Variants in PLEKHA3 observed in about 807,000 individuals in gnomAD.
PLEKHA3 encodes the protein pleckstrin homology domain containing A3.
Under a neutral mutation model 39.2 loss-of-function variants are expected in PLEKHA3, and 19 were observed. The ratio of observed to expected loss-of-function variants is 0.48; its 90% CI spans 0.34 to 0.71. The LOEUF (loss-of-function observed/expected upper bound fraction) is 0.71. Among genes scored for constraint, PLEKHA3 ranks in the 30% least tolerant of loss-of-function variants. The pLI is 0.01. For missense variants in PLEKHA3, 253 were observed against 359.5 expected, an observed-to-expected ratio of 0.70 and a Z score of 2.40; for synonymous variants, 97 against 118.6, an observed-to-expected ratio of 0.82 and a Z score of 1.18.
At chr2:178,490,983 G>A (rs1685333470) in intron 3 of PLEKHA3, among the ~76,000 whole-genome samples, 169 bp downstream of exon 3, 1 of 151,604 alleles carries the variant, frequency 6.6e-6, no homozygotes, top group South Asian at 2.1e-4. Context: ...ATAAATTTAG[G>A]GGAATGGCTC....
chr2:178,514,570 A>T lies in PLEKHA3; in HGVS notation c.*10683A>T, dbSNP rs137951962. 6 of 152,202 alleles carry T rather than the reference A, an allele frequency of 3.9e-5. No homozygotes were observed. Among genetic ancestry groups the T allele is most frequent in the Admixed American group, 3.3e-4 (5 of 15,284 alleles). The allele number at this position is 152,202 out of a possible 1,614,324, so 9.4% of individuals were successfully genotyped here. On this transcript the variant is annotated 3_prime_UTR_variant, in exon 8 of 8. Coordinates refer to ENST00000234453, the MANE Select transcript of PLEKHA3 (RefSeq NM_019091.4). ...TCATGTCTTTATTTAGGCTAAGTGCATATGTATGTATAAGTAATGTGTATA... is the reference window on the plus strand; with the variant it reads ...TCATGTCTTTATTTAGGCTAAGTGCTTATGTATGTATAAGTAATGTGTATA...
chr2:178,480,713 G>A lies in PLEKHA3; in HGVS notation c.-157G>A, dbSNP rs920571753. 1 of 494,964 alleles carries A rather than the reference G, an allele frequency of 2.0e-6. No homozygotes were observed. Among genetic ancestry groups the A allele is most frequent in the Admixed American group, 4.7e-5 (1 of 21,382 alleles). 30.7% of individuals were successfully genotyped at this position (494,964 alleles called of 1,614,324 possible). On this transcript the variant is annotated 5_prime_UTR_variant, in exon 1 of 8. Transcript: ENST00000234453. ...TGCGCCCGCTGTCCCGGCCTCTAAA[G>A]GCCGCCACGTCCCTGCGGCGCGCGC... is the stretch of plus-strand genomic sequence containing the variant.
In PLEKHA3 at chr2:178,515,869, CCTAA is replaced by C. The variant is rs1180174027; in HGVS notation, c.*11986_*11989del. The C allele has an allele frequency of 4.0e-5, 6 of 151,756 alleles. No individual in the cohort carries two copies. Among genetic ancestry groups the C allele is most frequent in the South Asian group, 2.1e-4 (1 of 4,826 alleles). The allele number at this position is 151,756 out of a possible 1,614,324, so 9.4% of individuals were successfully genotyped here. On this transcript the variant is annotated 3_prime_UTR_variant, in exon 8 of 8. Transcript: ENST00000234453. The stretch of plus-strand genomic sequence containing the variant: ...TAGTATTTATCATTCACATTTGCAC[CCTAA>C]CTATTGTTTTAACCTAAACATAAAT...
chr2:178,508,284 A>T lies in PLEKHA3; in HGVS notation c.*4397A>T, dbSNP rs779606775. On this transcript the variant is annotated 3_prime_UTR_variant, in exon 8 of 8. Coordinates refer to ENST00000234453, the MANE Select transcript of PLEKHA3 (RefSeq NM_019091.4). ...CTCTTCTGTTGAATTTTCTTTATATATATATTTTAATTTCTAAGAGGTCTT... is the reference window on the plus strand; with the variant it reads ...CTCTTCTGTTGAATTTTCTTTATATTTATATTTTAATTTCTAAGAGGTCTT... The T allele has an allele frequency of 6.6e-6, 1 of 151,952 alleles. No homozygotes were observed. Among genetic ancestry groups the T allele is most frequent in the African/African-American group, 2.4e-5 (1 of 41,276 alleles). The allele number at this position is 151,952 out of a possible 1,614,324, so 9.4% of individuals were successfully genotyped here. A position where few individuals can be genotyped will look rare whatever the true frequency, so the allele number is the denominator to read the frequency against.
chr2:178,495,430 A>G (rs1685426249), intron 4 of PLEKHA3, 66 bp from the exon 5 acceptor site: 8 of 1,426,716 alleles, frequency 5.6e-6, no homozygotes, highest in Admixed American at 1.9e-5. Context: ...TTATTTAATG[A>G]TAAGGTTGTA....
In PLEKHA3 at chr2:178,516,183, T is replaced by C. The variant is rs1685761984; in HGVS notation, c.*12296T>C. On this transcript the variant is annotated 3_prime_UTR_variant, in exon 8 of 8. Coordinates refer to ENST00000234453, the MANE Select transcript of PLEKHA3 (RefSeq NM_019091.4). The stretch of plus-strand genomic sequence containing the variant: ...AAGAAATTGGAAATAATGGAATTGG[T>C]TTAAAAAGCTAGTCTCTAAATTAAC... 1 of 151,968 alleles carries C rather than the reference T, an allele frequency of 6.6e-6. No individual in the cohort carries two copies. Among genetic ancestry groups the C allele is most frequent in the Admixed American group, 6.6e-5 (1 of 15,252 alleles). 9.4% of individuals were successfully genotyped at this position (151,968 alleles called of 1,614,324 possible). A position where few individuals can be genotyped will look rare whatever the true frequency, so the allele number is the denominator to read the frequency against.
At chr2:178,500,715 T>C (rs533810592) in intron 6 of PLEKHA3, among the ~76,000 whole-genome samples, 113 of 152,200 alleles carry the variant, frequency 7.4e-4, no homozygotes, top group African/African-American at 2.5e-3. Context: ...AGATATGGAT[T>C]GACTTAAAAT....
At chr2:178,488,825 A>T (rs1685299088) in intron 2 of PLEKHA3, 1 of 288,190 alleles carries the variant, frequency 3.5e-6, no homozygotes, top group African/African-American at 2.2e-5. Context: ...ATTCTTGATG[A>T]TATTGAGTCT....
chr2:178,480,803 C>T lies in PLEKHA3; in HGVS notation c.-67C>T, dbSNP rs2154127433. On this transcript the variant is annotated 5_prime_UTR_variant, in exon 1 of 8. Coordinates refer to ENST00000234453, the MANE Select transcript of PLEKHA3 (RefSeq NM_019091.4). ...CGGGCCGGGAGGGGCTGCCCCAGGC[C>T]CTGCGCCTACCCCATCACCGCGGCC... is the stretch of plus-strand genomic sequence containing the variant. 1 of 1,290,130 alleles carries T rather than the reference C, an allele frequency of 7.8e-7. No homozygotes were observed. Among genetic ancestry groups the T allele is most frequent in the Non-Finnish European group, 1.0e-6 (1 of 1,002,782 alleles). 79.9% of individuals were successfully genotyped at this position (1,290,130 alleles called of 1,614,324 possible).
rs568109903 is a variant in PLEKHA3, at chr2:178,484,914, A to G, written c.41-727A>G. Among the ~76,000 whole-genome samples, 3 of 152,352 alleles carry G rather than the reference A, an allele frequency of 2.0e-5. No individual in the cohort carries two copies. In the East Asian group the frequency reaches 5.8e-4, roughly 29 times the overall value. ...TAGTCACTGAATAAATATCAATCGA[A>G]CAATTGCAGTTTCTAGGATTTCAAC... On this transcript the variant is annotated intron_variant, in intron 1 of 7. Transcript: ENST00000234453.
At position 178,513,872 on chromosome 2, in the gene PLEKHA3, A is replaced by G. The variant is rs947719672; in HGVS notation, c.*9985A>G. 6.6e-6 allele frequency: 1 copy of G among 152,140 alleles called. No homozygotes were observed. Among genetic ancestry groups the G allele is most frequent in the African/African-American group, 2.4e-5 (1 of 41,416 alleles). 9.4% of individuals were successfully genotyped at this position (152,140 alleles called of 1,614,324 possible). A position where few individuals can be genotyped will look rare whatever the true frequency, so the allele number is the denominator to read the frequency against. On this transcript the variant is annotated 3_prime_UTR_variant, in exon 8 of 8. Transcript: ENST00000234453. ...AAAAGTCTTCATTTGACAAATTTAT[A>G]TGGTAAATGAGCATAAAATGAATAT...
intron 3 of PLEKHA3, among the ~76,000 whole-genome samples, chr2:178,491,454 T>C (rs775795867): frequency 1.3e-5 from 2 of 152,206 alleles, no homozygotes; most frequent in Admixed American, 6.5e-5. Context: ...TTGGCTGGCT[T>C]AGGAAAGGTA....
chr2:178,506,617 C>T lies in PLEKHA3; in HGVS notation c.*2730C>T, dbSNP rs968094503. 5 of 152,152 alleles carry T rather than the reference C, an allele frequency of 3.3e-5. No individual in the cohort carries two copies. The highest frequency in any genetic ancestry group is 7.4e-5 in the Non-Finnish European group (5 of 68,024). The allele number at this position is 152,152 out of a possible 1,614,324, so 9.4% of individuals were successfully genotyped here. ...AAATCACAAGATCTCAGGAAATGCGCCCTTGTGATATGTTAATACCAGATT... is the reference window on the plus strand; with the variant it reads ...AAATCACAAGATCTCAGGAAATGCGTCCTTGTGATATGTTAATACCAGATT... On this transcript the variant is annotated 3_prime_UTR_variant, in exon 8 of 8. Coordinates refer to ENST00000234453, the MANE Select transcript of PLEKHA3 (RefSeq NM_019091.4).
At chr2:178,499,390 T>G in intron 6 of PLEKHA3, 136 bp downstream of exon 6, 1 of 715,046 alleles carries the variant, frequency 1.4e-6, no homozygotes, top group Non-Finnish European at 2.2e-6. Context: ...ATTTTATCTC[T>G]CAGTATTTAT....
chr2:178,504,814 C>T lies in PLEKHA3; in HGVS notation c.*927C>T, dbSNP rs1558931878. The T allele has an allele frequency of 6.6e-6, 1 of 152,306 alleles. No individual in the cohort carries two copies. Among genetic ancestry groups the T allele is most frequent in the African/African-American group, 2.4e-5 (1 of 41,396 alleles). 9.4% of individuals were successfully genotyped at this position (152,306 alleles called of 1,614,324 possible). A position where few individuals can be genotyped will look rare whatever the true frequency, so the allele number is the denominator to read the frequency against. On this transcript the variant is annotated 3_prime_UTR_variant, in exon 8 of 8. Transcript: ENST00000234453. ...ATGAATATTTATACAAAAAGGAATT[C>T]TGTCAAGATGACTGCTCTATATCAC...
In PLEKHA3 at chr2:178,509,734, T is replaced by G. The variant is rs1425145976; in HGVS notation, c.*5847T>G. 1.3e-5 allele frequency: 2 copies of G among 152,232 alleles called. No individual in the cohort carries two copies. The highest frequency in any genetic ancestry group is 4.8e-5 in the African/African-American group (2 of 41,422). 9.4% of individuals were successfully genotyped at this position (152,232 alleles called of 1,614,324 possible). The stretch of plus-strand genomic sequence containing the variant: ...GCTCAAGGGATCTGCCTGCCTTGAC[T>G]TTCCAAAATTCTCGGATTACAGGCA... On this transcript the variant is annotated 3_prime_UTR_variant, in exon 8 of 8. Coordinates refer to ENST00000234453, the MANE Select transcript of PLEKHA3 (RefSeq NM_019091.4).
intron 7 of PLEKHA3, among the ~76,000 whole-genome samples, chr2:178,502,945 C>T (rs1417933258): frequency 6.6e-6 from 1 of 151,916 alleles, no homozygotes; most frequent in Non-Finnish European, 1.5e-5. Flanking sequence ...AATTAGCTGA[C>T]AAAGCAAAGA....
rs1685523617 is a variant in PLEKHA3, at chr2:178,501,124, A to G, written c.723A>G (p.Arg241=). Residue 241 remains arginine (R), a synonymous_variant, in exon 7 of 8, where the codon AGA becomes AGG. Transcript: ENST00000234453. ...TLHRLSQRRR[R]TYSDTDSCSD... ...ACCGACTCTCCCAGCGACGCCGAAG[A>G]ACCTACTCAGATACAGATTCTTGTA... is the stretch of plus-strand genomic sequence containing the variant. 1.2e-6 allele frequency: 2 copies of G among 1,613,426 alleles called. No individual in the cohort carries two copies. Among genetic ancestry groups the G allele is most frequent in the Non-Finnish European group, 1.7e-6 (2 of 1,179,478 alleles).
At chr2:178,502,936 A>G (rs537304797) in intron 7 of PLEKHA3, among the ~76,000 whole-genome samples, 66 of 152,120 alleles carry the variant, frequency 4.3e-4, no homozygotes, top group Middle Eastern at 6.8e-3. Flanking sequence ...TAGTGTTTCA[A>G]TTAGCTGACA....
Sources: gnomAD v4.1 joint callset for allele counts (sites outside exome capture counted in the v4.1 genomes callset) on GRCh38, gnomAD v4.1.1 for gene constraint, MANE v1.5 for transcripts, NCBI Gene and HGNC (gene_info 2026-07-23, HGNC 2026-07-21) for gene names.